The following IQCH variants were observed in gnomAD, a reference collection of about 807,000 sequenced individuals.
The protein encoded by IQCH is IQ domain-containing protein H.
Under a neutral mutation model 117.0 loss-of-function variants are expected in IQCH, and 98 were observed. The ratio of observed to expected loss-of-function variants is 0.84; its 90% CI spans 0.71 to 0.99. The LOEUF (loss-of-function observed/expected upper bound fraction) is 0.99. IQCH is among the 50% of genes least tolerant of loss of function. The pLI is 0.00. For missense variants in IQCH, 1,102 were observed against 1,243.8 expected, an observed-to-expected ratio of 0.89 and a Z score of 1.72; for synonymous variants, 412 against 448.2, an observed-to-expected ratio of 0.92 and a Z score of 1.02.
chr15:67,400,011 AG>A, intron 13 of IQCH, 102 bp from the exon 14 acceptor site: 1 of 813,072 alleles, frequency 1.2e-6, no homozygotes. Flanking sequence ...ACAGACCATT[AG>A]AAGTAAAGAC....
chr15:67,396,508 G>A (rs1459240655), intron 13 of IQCH, among the ~76,000 whole-genome samples: 3 of 152,194 alleles, frequency 2.0e-5, no homozygotes, highest in Non-Finnish European at 4.4e-5. Context: ...CACTAGAAAT[G>A]TTTTCTCTTT....
At chr15:67,338,245 A>ATCTATCTG (rs970756673) in intron 5 of IQCH, among the ~76,000 whole-genome samples, 4 of 150,998 alleles carry the variant, frequency 2.6e-5, no homozygotes, top group Admixed American at 6.6e-5. Context: ...CTATCTATCT[A>ATCTATCTG]TCTGTCTGCT....
chr15:67,368,017 C>T (rs1390066453), intron 8 of IQCH, among the ~76,000 whole-genome samples: 1 of 152,162 alleles, frequency 6.6e-6, no homozygotes, highest in East Asian at 1.9e-4. Flanking sequence ...AGGGCTAAGG[C>T]ACTGTTAAAG....
chr15:67,394,662 A>G (rs1400076255), intron 12 of IQCH, among the ~76,000 whole-genome samples: 1 of 152,222 alleles, frequency 6.6e-6, no homozygotes, highest in Non-Finnish European at 1.5e-5. Flanking sequence ...AAATAAAACA[A>G]AAAGAGTTTT....
intron 4 of IQCH, among the ~76,000 whole-genome samples, chr15:67,310,790 C>T (rs558305853): frequency 6.6e-6 from 1 of 152,172 alleles, no homozygotes; most frequent in African/African-American, 2.4e-5. Context: ...AACAATGAAG[C>T]ATAATGTCAA....
intron 8 of IQCH, among the ~76,000 whole-genome samples, chr15:67,371,184 C>T (rs1272894781): frequency 1.3e-5 from 2 of 152,084 alleles, no homozygotes; most frequent in African/African-American, 4.8e-5. Context: ...CCTCCCTCTC[C>T]CCCAGCCCCT....
chr15:67,346,858 C>T (rs538026410), intron 6 of IQCH, among the ~76,000 whole-genome samples: 6 of 152,176 alleles, frequency 3.9e-5, no homozygotes, highest in Admixed American at 1.3e-4. Context: ...ATTATGTTCT[C>T]TGACCTTAAC....
Position 67,466,233 on chromosome 15 carries a change from CTTGA to C in IQCH, c.2676+941_2676+944del, listed in dbSNP as rs2141024343. 6.6e-6 allele frequency among the ~76,000 whole-genome samples: 1 copy of C among 152,240 alleles called. No individual in the cohort carries two copies. Among genetic ancestry groups the C allele is most frequent in the Admixed American group, 6.5e-5 (1 of 15,296 alleles). On this transcript the variant is annotated intron_variant, in intron 17 of 20. Coordinates refer to ENST00000335894, the MANE Select transcript of IQCH (RefSeq NM_001031715.3). The surrounding 1 kb of genome is among the most constrained non-coding windows in gnomAD (Gnocchi z 4.4). ...CATAGCCCCATGGGGACAGTGGGTGCTTGATTGAGTAGGCTAGGTTGGTCATGGA... is the reference window on the plus strand; with the variant it reads ...CATAGCCCCATGGGGACAGTGGGTGCTTGAGTAGGCTAGGTTGGTCATGGA...
Position 67,407,496 on chromosome 15 carries a change from C to CAGG in IQCH, c.2097+7194_2097+7196dup, listed in dbSNP as rs1211198625. On this transcript the variant is annotated intron_variant, in intron 14 of 20. Coordinates refer to ENST00000335894, the MANE Select transcript of IQCH (RefSeq NM_001031715.3). The surrounding 1 kb of genome is among the most constrained non-coding windows in gnomAD (Gnocchi z 5.3). ...GTTTCTCTGTGCCTGAGGAAGATGA[C>CAGG]AGGAGAAGGAAAATTGCCTCCCCAA... 1 of 152,118 alleles carries CAGG rather than the reference C, an allele frequency of 6.6e-6. No homozygotes were observed. Among genetic ancestry groups the CAGG allele is most frequent in the Middle Eastern group, 3.2e-3 (1 of 316 alleles). 9.4% of individuals were successfully genotyped at this position (152,118 alleles called of 1,614,324 possible). A position where few individuals can be genotyped will look rare whatever the true frequency, so the allele number is the denominator to read the frequency against.
chr15:67,355,156 A>G (rs1969835656), intron 6 of IQCH, among the ~76,000 whole-genome samples: 1 of 152,208 alleles, frequency 6.6e-6, no homozygotes, highest in South Asian at 2.1e-4. Context: ...AAGTATATTT[A>G]ATATTTGAGA....
chr15:67,489,087 G>A (rs953938540), intron 18 of IQCH, among the ~76,000 whole-genome samples: 58 of 150,984 alleles, frequency 3.8e-4, no homozygotes, highest in Non-Finnish European at 8.5e-4. Flanking sequence ...AGGCTGGAAT[G>A]CAGTGGCGTG....
At chr15:67,282,611 A>C (rs562266450) in intron 4 of IQCH, among the ~76,000 whole-genome samples, 2 of 152,198 alleles carry the variant, frequency 1.3e-5, no homozygotes, top group Non-Finnish European at 2.9e-5. Flanking sequence ...CTAATTTTGC[A>C]CTGTAAAGTC....
In IQCH at chr15:67,433,768, C is replaced by T. The variant is rs925996331; in HGVS notation, c.2505+12191C>T. Among the ~76,000 whole-genome samples the T allele has an allele frequency of 2.6e-5, 4 of 152,136 alleles. No homozygotes were observed. The highest frequency in any genetic ancestry group is 7.2e-5 in the African/African-American group (3 of 41,424). On this transcript the variant is annotated intron_variant, in intron 16 of 20. Transcript: ENST00000335894. This position sits in a 1 kb window ranked among gnomAD's most constrained non-coding sequence, Gnocchi z 5.4. ...CAGGAGGTAGGAAAAAAGGAAAAGG[C>T]TCCCTACTAATGCCAAGAAAGACCA...
chr15:67,418,913 A>G (rs1308006700), intron 15 of IQCH, among the ~76,000 whole-genome samples: 1 of 151,230 alleles, frequency 6.6e-6, no homozygotes, highest in Non-Finnish European at 1.5e-5. Flanking sequence ...TTATCGGGGG[A>G]AGACCATGAT....
At chr15:67,483,394 G>C (rs1467524222) in intron 18 of IQCH, among the ~76,000 whole-genome samples, 1 of 152,194 alleles carries the variant, frequency 6.6e-6, no homozygotes, top group African/African-American at 2.4e-5. Context: ...GCCCATCCCT[G>C]TAATCCCAGA....
intron 3 of IQCH, among the ~76,000 whole-genome samples, chr15:67,269,295 C>G (rs1399631340): frequency 6.6e-6 from 1 of 152,094 alleles, no homozygotes; most frequent in Non-Finnish European, 1.5e-5. Context: ...AATGGGCATA[C>G]TTTTATCCTG....
chr15:67,301,973 TAGTGCTACAGAATTTAACA>T (rs1967068338), intron 4 of IQCH, among the ~76,000 whole-genome samples: 2 of 152,210 alleles, frequency 1.3e-5, no homozygotes, highest in Non-Finnish European at 2.9e-5. Flanking sequence ...TAACTATGTG[TAGTGCTACAGAATTTAACA>T]ATAGGCAGAA....
At position 67,337,007 on chromosome 15, in the gene IQCH, C is replaced by G. The variant is rs768504337; in HGVS notation, c.420C>G (p.Asn140Lys). Residue 140 changes from asparagine (N) to lysine (K), a missense_variant, in exon 5 of 21, where the codon AAC (asparagine) becomes AAG (lysine). Transcript: ENST00000335894. ...TTTCGAAGTTAATCAAAGGGTCTAA[C>G]ATATCCAGCCTCACGGTTCTGCCAT... ...IKVSKLIKGSNISSLTVLPSS... is the reference protein window; with the variant it reads ...IKVSKLIKGSKISSLTVLPSS... 6.2e-7 allele frequency: 1 copy of G among 1,613,760 alleles called. No homozygotes were observed. The highest frequency in any genetic ancestry group is 1.1e-5 in the South Asian group (1 of 91,072).
At chr15:67,295,212 TTG>T (rs1473635969) in intron 4 of IQCH, among the ~76,000 whole-genome samples, 6 of 152,192 alleles carry the variant, frequency 3.9e-5, no homozygotes, top group Admixed American at 3.9e-4. Flanking sequence ...ACCTCATTTT[TTG>T]TGTCAGAGTC....
Sources: gnomAD v4.1 joint callset for allele counts (sites outside exome capture counted in the v4.1 genomes callset) on GRCh38, gnomAD v4.1.1 for gene constraint, Gnocchi (gnomAD v3.1) non-coding constraint, MANE v1.5 for transcripts, NCBI Gene and HGNC (gene_info 2026-07-23, HGNC 2026-07-21) for gene names.